UTRN: variants seen among roughly 807,000 people sequenced by gnomAD.
The protein encoded by UTRN is utrophin.
In UTRN, 283 loss-of-function variants were observed where a neutral mutation model predicts 463.9. The observed-to-expected ratio is 0.61, with a 90% CI of 0.55 to 0.67. The LOEUF (loss-of-function observed/expected upper bound fraction) is 0.67, where lower values mean the gene tolerates loss of function less well. UTRN is among the 30% of genes least tolerant of loss of function. UTRN has a pLI of 0.00. For synonymous variants in UTRN, 1,442 were observed against 1,431.5 expected, an observed-to-expected ratio of 1.01 and a Z score of -0.17; for missense variants, 3,922 against 4,084.3, an observed-to-expected ratio of 0.96 and a Z score of 1.08.
chr6:144,368,704 G>T (rs565240073), intron 2 of UTRN, among the ~76,000 whole-genome samples: 18 of 152,220 alleles, frequency 1.2e-4, no homozygotes, highest in Admixed American at 1.2e-3. Context: ...AACCTGGGAG[G>T]AGGAGGTTGC....
At chr6:144,619,826 G>A (rs955601324) in intron 51 of UTRN, among the ~76,000 whole-genome samples, 4 of 152,146 alleles carry the variant, frequency 2.6e-5, no homozygotes, top group African/African-American at 9.7e-5. Flanking sequence ...GTGAAATTTT[G>A]CGGATAATGT....
intron 2 of UTRN, among the ~76,000 whole-genome samples, chr6:144,335,775 A>G (rs888246039): frequency 3.3e-5 from 5 of 151,840 alleles, no homozygotes; most frequent in Non-Finnish European, 7.4e-5. Context: ...TTACCTGACC[A>G]CCTCTTAATA....
chr6:144,503,395 A>G (rs1371929814), intron 34 of UTRN, among the ~76,000 whole-genome samples: 1 of 152,144 alleles, frequency 6.6e-6, no homozygotes, highest in South Asian at 2.1e-4. Flanking sequence ...CTTACGTTTA[A>G]GTCTTTAATC....
intron 53 of UTRN, among the ~76,000 whole-genome samples, chr6:144,724,222 CTTTTTTTTTTTTTT>C (rs34507977): frequency 9.0e-5 from 7 of 78,150 alleles, no homozygotes; most frequent in Admixed American, 1.9e-4. Context: ...AGATTCATAA[CTTTTTTTTTTTTTT>C]TTTTTTTTTT....
intron 2 of UTRN, among the ~76,000 whole-genome samples, chr6:144,321,480 T>C (rs1214189761): frequency 7.4e-6 from 1 of 135,566 alleles, no homozygotes; most frequent in African/African-American, 3.3e-5. Context: ...TTTTTTTTTT[T>C]TTTTTTTGAG....
chr6:144,627,990 G>A (rs1284990257), intron 51 of UTRN, among the ~76,000 whole-genome samples: 3 of 151,870 alleles, frequency 2.0e-5, no homozygotes, highest in South Asian at 4.2e-4. Context: ...TAGTAGAGAC[G>A]GGGTTTCACC....
At chr6:144,828,961 A>T (rs1780428532) in intron 69 of UTRN, 106 bp downstream of exon 69, 12 of 1,326,340 alleles carry the variant, frequency 9.0e-6, no homozygotes, top group Non-Finnish European at 1.3e-5. Flanking sequence ...TCCCAATCAA[A>T]ATTATTAAGT....
intron 2 of UTRN, among the ~76,000 whole-genome samples, chr6:144,306,585 G>A (rs368489683): frequency 2.0e-4 from 30 of 152,202 alleles, no homozygotes; most frequent in African/African-American, 6.3e-4. Flanking sequence ...GGGATAGTAA[G>A]TGAAGTTCTA....
chr6:144,480,377 A>G (rs942342238), intron 26 of UTRN, among the ~76,000 whole-genome samples: 1 of 152,210 alleles, frequency 6.6e-6, no homozygotes, highest in African/African-American at 2.4e-5. Context: ...CATTAATTGC[A>G]TTCATCACTA....
intron 2 of UTRN, among the ~76,000 whole-genome samples, chr6:144,363,771 G>T (rs542194954): frequency 4.6e-5 from 7 of 152,274 alleles, no homozygotes; most frequent in Admixed American, 6.5e-5. Flanking sequence ...ATGAAAGGGG[G>T]TACCATTTGC....
intron 29 of UTRN, among the ~76,000 whole-genome samples, chr6:144,488,107 G>A (rs1353851247): frequency 6.6e-6 from 1 of 152,120 alleles, no homozygotes; most frequent in African/African-American, 2.4e-5. Flanking sequence ...ATTAGAGAAA[G>A]AACATTTCTT....
At chr6:144,316,949 T>C (rs1242768431) in intron 2 of UTRN, among the ~76,000 whole-genome samples, 1 of 152,168 alleles carries the variant, frequency 6.6e-6, no homozygotes, top group Admixed American at 6.5e-5. Context: ...GAGGAAGAAA[T>C]GAGTGGATTG....
chr6:144,838,080 T>A (rs1781254449), intron 71 of UTRN, among the ~76,000 whole-genome samples: 2 of 152,240 alleles, frequency 1.3e-5, no homozygotes, highest in African/African-American at 4.8e-5. Context: ...GAAGTGTTAG[T>A]GTTAACAACT....
At chr6:144,707,569 T>G (rs1328841592) in intron 53 of UTRN, among the ~76,000 whole-genome samples, 1 of 152,178 alleles carries the variant, frequency 6.6e-6, no homozygotes, top group African/African-American at 2.4e-5. Context: ...CTAGGACATA[T>G]AAAAGATATC....
At chr6:144,479,758 G>T in intron 25 of UTRN, 54 bp from the exon 26 acceptor site, 2 of 1,542,158 alleles carry the variant, frequency 1.3e-6, no homozygotes, top group South Asian at 2.6e-5. Flanking sequence ...GCTAAAACTT[G>T]ACATTGAACA....
chr6:144,632,973 G>T (rs1776693860), intron 51 of UTRN, among the ~76,000 whole-genome samples: 1 of 151,676 alleles, frequency 6.6e-6, no homozygotes, highest in Non-Finnish European at 1.5e-5. Flanking sequence ...TGCCCGCTTT[G>T]GCCTCCCAAA....
At chr6:144,292,907 A>C in intron 2 of UTRN, among the ~76,000 whole-genome samples, 1 of 152,126 alleles carries the variant, frequency 6.6e-6, no homozygotes, top group East Asian at 1.9e-4. Context: ...ATCTAAATTA[A>C]CTGTCTTAAA....
At chr6:144,485,659 A>G in intron 28 of UTRN, 140 bp downstream of exon 28, 2 of 1,266,360 alleles carry the variant, frequency 1.6e-6, no homozygotes, top group East Asian at 2.4e-5. Flanking sequence ...ATTTTCTTCC[A>G]TAGCCTGAAG....
chr6:144,737,886 A>G (rs1364393008), intron 54 of UTRN, among the ~76,000 whole-genome samples: 2 of 152,104 alleles, frequency 1.3e-5, no homozygotes, highest in Non-Finnish European at 2.9e-5. Context: ...TCACAGTACA[A>G]CAATCTCTCA....
Sources: allele counts gnomAD v4.1 joint callset (sites outside exome capture counted in the v4.1 genomes callset), GRCh38; gene constraint gnomAD v4.1.1; transcripts MANE v1.5; gene names NCBI Gene and HGNC (gene_info 2026-07-23, HGNC 2026-07-21).